Variants in DCC observed in about 807,000 individuals in gnomAD.
The protein encoded by DCC is DCC netrin 1 receptor.
A neutral mutation model predicts 172.5 loss-of-function variants in DCC; 58 were observed. The observed-to-expected ratio is 0.34, with a 90% CI of 0.27 to 0.42. The LOEUF is 0.42. Among genes scored for constraint, DCC ranks in the 10% least tolerant of loss-of-function variants. The probability of loss-of-function intolerance (pLI) is 1.00; values close to 1 mark genes in which losing one functional copy is unlikely to be tolerated. For missense variants in DCC, 1,740 were observed against 1,791.0 expected, an observed-to-expected ratio of 0.97 and a Z score of 0.51; for synonymous variants, 709 against 644.5, an observed-to-expected ratio of 1.10 and a Z score of -1.52.
intron 1 of DCC, among the ~76,000 whole-genome samples, chr18:52,595,468 C>T (rs2033890070): frequency 6.6e-6 from 1 of 152,156 alleles, no homozygotes; most frequent in Non-Finnish European, 1.5e-5. Context: ...TATTAAATTT[C>T]CTTTTTAAAC....
chr18:53,492,156 A>AT (rs535923123), intron 26 of DCC, among the ~76,000 whole-genome samples: 6,074 of 150,298 alleles, frequency 0.04, 392 homozygotes, highest in African/African-American at 0.14. Flanking sequence ...TTTTGATGGG[A>AT]TTTTTTTTTA....
chr18:52,735,039 A>G (rs755037846), intron 1 of DCC, among the ~76,000 whole-genome samples: 4 of 152,184 alleles, frequency 2.6e-5, no homozygotes, highest in Non-Finnish European at 5.9e-5. Context: ...ATTCAGATAT[A>G]GCCCTGAGGA....
At chr18:53,330,153 T>A (rs558260218) in intron 14 of DCC, among the ~76,000 whole-genome samples, 1 of 152,290 alleles carries the variant, frequency 6.6e-6, no homozygotes, top group Non-Finnish European at 1.5e-5. Context: ...TTTGTCATCA[T>A]TTTTTCTTCA....
chr18:53,182,668 AT>A (rs1183374732), intron 9 of DCC, among the ~76,000 whole-genome samples: 1 of 152,180 alleles, frequency 6.6e-6, no homozygotes, highest in East Asian at 1.9e-4. Context: ...ATAAAATGCC[AT>A]TTTGGCAATT....
At chr18:52,635,129 T>C (rs2034749441) in intron 1 of DCC, among the ~76,000 whole-genome samples, 1 of 152,204 alleles carries the variant, frequency 6.6e-6, no homozygotes. Flanking sequence ...CACTCTTCCC[T>C]TTAGAAACTA....
At chr18:53,287,258 T>A (rs2056947198) in intron 12 of DCC, among the ~76,000 whole-genome samples, 1 of 152,218 alleles carries the variant, frequency 6.6e-6, no homozygotes, top group African/African-American at 2.4e-5. Context: ...CATGAGTGGC[T>A]TTCAGATGAG....
chr18:53,503,399 G>C (rs539522264), intron 27 of DCC, among the ~76,000 whole-genome samples: 56 of 152,152 alleles, frequency 3.7e-4, no homozygotes, highest in African/African-American at 1.3e-3. Flanking sequence ...CCTTATAATA[G>C]AGTGCTTCCA....
intron 3 of DCC, among the ~76,000 whole-genome samples, chr18:52,911,640 A>AAT (rs1383368410): frequency 6.6e-6 from 1 of 152,034 alleles, no homozygotes; most frequent in Non-Finnish European, 1.5e-5. Flanking sequence ...TTGAGCAATG[A>AAT]ATACACTGAC....
intron 9 of DCC, among the ~76,000 whole-genome samples, chr18:53,186,935 G>A (rs1336522342): frequency 3.3e-5 from 5 of 152,134 alleles, no homozygotes; most frequent in African/African-American, 1.2e-4. Context: ...GGACAAAAAA[G>A]AGGAGCTAGC....
chr18:53,123,958 C>A (rs1306056348), intron 7 of DCC, among the ~76,000 whole-genome samples: 1 of 152,028 alleles, frequency 6.6e-6, no homozygotes, highest in African/African-American at 2.4e-5. Context: ...AGGAACATAT[C>A]AGATGATGGG....
chr18:52,770,544 C>A (rs1008750672), intron 2 of DCC, among the ~76,000 whole-genome samples: 3 of 152,172 alleles, frequency 2.0e-5, no homozygotes, highest in Non-Finnish European at 4.4e-5. Context: ...TATCTGTCAT[C>A]TTTGCTGTTG....
chr18:52,673,463 T>C (rs372217466), intron 1 of DCC, among the ~76,000 whole-genome samples: 52 of 152,326 alleles, frequency 3.4e-4, no homozygotes, highest in African/African-American at 8.4e-4. Flanking sequence ...GTTGTGTTTT[T>C]TGAGAAAGAA....
intron 1 of DCC, among the ~76,000 whole-genome samples, chr18:52,595,723 T>TTCTA (rs1289934870): frequency 7.2e-5 from 11 of 152,210 alleles, no homozygotes; most frequent in African/African-American, 2.7e-4. Flanking sequence ...ATTTCATTGA[T>TTCTA]TCTATCTCAG....
At position 52,699,955 on chromosome 18, in the gene DCC, C is replaced by T. The variant is rs555382351; in HGVS notation, c.92-52099C>T. Among the ~76,000 whole-genome samples, 27 of 151,926 alleles carry T rather than the reference C, an allele frequency of 1.8e-4. No individual in the cohort carries two copies. The South Asian group carries it at 3.3e-3, about 19-fold the overall frequency. On this transcript the variant is annotated intron_variant, in intron 1 of 28. Transcript: ENST00000442544. ...ATTCTGACCATTAAAGTGTAGGTAT[C>T]GCTGCAGATAAATCTGTGAATGAGT... is the stretch of plus-strand genomic sequence containing the variant.
At chr18:53,280,004 G>A (rs986935171) in intron 12 of DCC, among the ~76,000 whole-genome samples, 1 of 151,822 alleles carries the variant, frequency 6.6e-6, no homozygotes, top group Admixed American at 6.6e-5. Flanking sequence ...TTATTACCTG[G>A]GTGACAAAAT....
chr18:53,372,697 G>A (rs576999259), intron 15 of DCC, among the ~76,000 whole-genome samples: 11 of 152,048 alleles, frequency 7.2e-5, no homozygotes, highest in Non-Finnish European at 1.3e-4. Flanking sequence ...GAAACCTAGA[G>A]AAGTTAAAAA....
At chr18:52,685,498 G>A (rs1279630884) in intron 1 of DCC, among the ~76,000 whole-genome samples, 3 of 152,102 alleles carry the variant, frequency 2.0e-5, no homozygotes, top group Non-Finnish European at 4.4e-5. Flanking sequence ...CCTAGTGGGA[G>A]GTGTTTGGGG....
chr18:53,236,619 T>A (rs1262512847), intron 12 of DCC, among the ~76,000 whole-genome samples: 1 of 152,050 alleles, frequency 6.6e-6, no homozygotes, highest in African/African-American at 2.4e-5. Flanking sequence ...TTTGTTAAAG[T>A]CAGAGTTATT....
At position 53,491,661 on chromosome 18, in the gene DCC, C is replaced by T. The variant is rs578258550; in HGVS notation, c.3898+4703C>T. 2.0e-5 allele frequency among the ~76,000 whole-genome samples: 3 copies of T among 152,164 alleles called. No individual in the cohort carries two copies. In the South Asian group the frequency reaches 6.2e-4, roughly 32 times the overall value. On this transcript the variant is annotated intron_variant, in intron 26 of 28. Transcript: ENST00000442544. ...TCCCTACAAAGGATATAAACTCATC[C>T]TTTTTTATGGCTGCATTGTATTCCA...
Sources: gnomAD v4.1 joint callset for allele counts (sites outside exome capture counted in the v4.1 genomes callset) on GRCh38, gnomAD v4.1.1 for gene constraint, MANE v1.5 for transcripts, NCBI Gene and HGNC (gene_info 2026-07-23, HGNC 2026-07-21) for gene names.